CD44: variants seen among roughly 807,000 people sequenced by gnomAD.
CD44 encodes CD44 antigen.
A neutral mutation model predicts 88.8 loss-of-function variants in CD44; 49 were observed. That is an observed-to-expected ratio of 0.55 (90% CI 0.44 to 0.70). The LOEUF is 0.70. Ranked by LOEUF, CD44 falls within the 30% of genes least tolerant of loss-of-function variation. The probability of loss-of-function intolerance (pLI) is 0.00; values close to 1 mark genes in which losing one functional copy is unlikely to be tolerated. For synonymous variants in CD44, 325 were observed against 312.3 expected, an observed-to-expected ratio of 1.04 and a Z score of -0.43; for missense variants, 883 against 913.8, an observed-to-expected ratio of 0.97 and a Z score of 0.43.
intron 1 of CD44, among the ~76,000 whole-genome samples, chr11:35,146,145 G>C (rs1367087885): frequency 6.6e-6 from 1 of 152,302 alleles, no homozygotes; most frequent in East Asian, 1.9e-4. Flanking sequence ...GTGTCCTCCT[G>C]AGGTAAGTGT....
chr11:35,217,768 T>G (rs1259994033), intron 15 of CD44, among the ~76,000 whole-genome samples: 1 of 152,154 alleles, frequency 6.6e-6, no homozygotes, highest in East Asian at 1.9e-4. Context: ...TGATCAGCCT[T>G]CAGGATTCTA....
intron 10 of CD44, chr11:35,205,016 A>G (rs1947696051): frequency 1.2e-5 from 2 of 163,380 alleles, no homozygotes; most frequent in South Asian, 3.2e-4. Context: ...ATGATTCTGC[A>G]AAGTCTGGCT....
intron 15 of CD44, among the ~76,000 whole-genome samples, chr11:35,218,159 GTC>G (rs1374759601): frequency 1.3e-5 from 2 of 152,086 alleles, no homozygotes; most frequent in African/African-American, 2.4e-5. Context: ...CTTGAGGATT[GTC>G]TGTCTTGCGA....
rs948068912 is a variant in CD44, at chr11:35,157,597, G to A, written c.67+18227G>A. On this transcript the variant is annotated intron_variant, in intron 1 of 17. Transcript: ENST00000428726. ...ATAAGAGACAAGTGCTTGAAAAGCA[G>A]AGGAGAGTCAATACACAGGCCACAT... 1.1e-4 allele frequency among the ~76,000 whole-genome samples: 17 copies of A among 152,076 alleles called. 1 individual carries two copies. Among genetic ancestry groups the A allele is most frequent in the Admixed American group, 1.1e-3 (17 of 15,268 alleles).
At chr11:35,154,728 A>G (rs1166226166) in intron 1 of CD44, among the ~76,000 whole-genome samples, 2 of 152,216 alleles carry the variant, frequency 1.3e-5, no homozygotes, top group Non-Finnish European at 2.9e-5. Context: ...CAACCCATCT[A>G]TGCATCAAAC....
chr11:35,211,765 T>C (rs1202669266), intron 14 of CD44, among the ~76,000 whole-genome samples: 1 of 152,066 alleles, frequency 6.6e-6, no homozygotes, highest in African/African-American at 2.4e-5. Flanking sequence ...TTGTGATATA[T>C]GAAGTTGAAC....
At chr11:35,206,913 A>G (rs1185553432) in intron 11 of CD44, among the ~76,000 whole-genome samples, 2 of 152,254 alleles carry the variant, frequency 1.3e-5, no homozygotes, top group East Asian at 1.9e-4. Context: ...CCAGGCAAAG[A>G]TCTTCAGAAT....
At chr11:35,162,601 C>T (rs552084132) in intron 1 of CD44, among the ~76,000 whole-genome samples, 5 of 152,258 alleles carry the variant, frequency 3.3e-5, no homozygotes, top group African/African-American at 7.2e-5. Flanking sequence ...GACTGGCATC[C>T]GTTGTTCCAG....
chr11:35,151,900 G>A (rs1860394891), intron 1 of CD44, among the ~76,000 whole-genome samples: 1 of 152,148 alleles, frequency 6.6e-6, no homozygotes, highest in Non-Finnish European at 1.5e-5. Context: ...TTAGATGCTG[G>A]GAGCCAGATA....
chr11:35,211,909 C>T (rs1177313419), intron 14 of CD44, among the ~76,000 whole-genome samples: 2 of 152,044 alleles, frequency 1.3e-5, no homozygotes, highest in Non-Finnish European at 2.9e-5. Context: ...AGTATCTTTG[C>T]TCTGAAATTA....
intron 5 of CD44, among the ~76,000 whole-genome samples, chr11:35,195,161 G>A (rs550774051): frequency 1.3e-5 from 2 of 152,156 alleles, no homozygotes; most frequent in Non-Finnish European, 2.9e-5. Flanking sequence ...ACGATTCAAG[G>A]CCTGTAAATA....
intron 1 of CD44, among the ~76,000 whole-genome samples, chr11:35,150,185 C>G (rs1325927980): frequency 6.6e-6 from 1 of 152,170 alleles, no homozygotes; most frequent in Non-Finnish European, 1.5e-5. Context: ...CTCAAGCAAC[C>G]CCTGTAACTT....
At chr11:35,154,253 T>C (rs1941563968) in intron 1 of CD44, among the ~76,000 whole-genome samples, 1 of 152,164 alleles carries the variant, frequency 6.6e-6, no homozygotes, top group South Asian at 2.1e-4. Context: ...TTTATTAGTG[T>C]ACATTTAGGG....
At chr11:35,198,779 C>G (rs371673710) in intron 7 of CD44, among the ~76,000 whole-genome samples, 1 of 152,018 alleles carries the variant, frequency 6.6e-6, no homozygotes, top group East Asian at 1.9e-4. Context: ...GAGATCGAGA[C>G]CATCCTGGCT....
chr11:35,149,020 A>C (rs1590894701), intron 1 of CD44, among the ~76,000 whole-genome samples: 1 of 152,298 alleles, frequency 6.6e-6, no homozygotes, highest in Non-Finnish European at 1.5e-5. Context: ...TTGAAATGTT[A>C]CACAAGGCAG....
At chr11:35,163,349 G>C (rs973359633) in intron 1 of CD44, among the ~76,000 whole-genome samples, 1 of 152,020 alleles carries the variant, frequency 6.6e-6, no homozygotes, top group African/African-American at 2.4e-5. Context: ...TTGAGTAACA[G>C]GGAAGAGGCC....
In CD44 at chr11:35,186,812, CT is replaced by C. The variant is rs757360424; in HGVS notation, c.368-13del. The C allele has an allele frequency of 9.0e-5, 137 of 1,522,746 alleles. No homozygotes were observed. Among genetic ancestry groups the C allele is most frequent in the East Asian group, 2.2e-4 (10 of 44,454 alleles). The allele number at this position is 1,522,746 out of a possible 1,614,324, so 94.3% of individuals were successfully genotyped here. On this transcript the variant is annotated intron_variant, in intron 3 of 17. Transcript: ENST00000428726. ...CTCATGTTTTTAAAGGGTTCTCATC[CT>C]TTTTTTCCTACCTCATAGCTCCACC...
chr11:35,150,226 C>T (rs546265565), intron 1 of CD44, among the ~76,000 whole-genome samples: 1 of 152,140 alleles, frequency 6.6e-6, no homozygotes, highest in Non-Finnish European at 1.5e-5. Flanking sequence ...AATATTCAGA[C>T]AAAGCAGTAC....
chr11:35,183,240 T>G (rs1241767998), intron 3 of CD44, among the ~76,000 whole-genome samples: 4 of 152,038 alleles, frequency 2.6e-5, no homozygotes, highest in Non-Finnish European at 4.4e-5. Context: ...ATCACCTCTA[T>G]GTGCTCAGTA....
Sources: gnomAD v4.1 joint callset for allele counts (sites outside exome capture counted in the v4.1 genomes callset) on GRCh38, gnomAD v4.1.1 for gene constraint, MANE v1.5 for transcripts, NCBI Gene and HGNC (gene_info 2026-07-23, HGNC 2026-07-21) for gene names.